Variants in MAGI2 observed in about 807,000 individuals in gnomAD.
The protein encoded by MAGI2 is membrane associated guanylate kinase, WW and PDZ domain containing 2, also known as membrane-associated guanylate kinase, WW and PDZ domain-containing protein 2.
MAGI2 carries 35 observed loss-of-function variants against 133.3 expected under a neutral mutation model. The observed-to-expected ratio is 0.26, with a 90% CI of 0.20 to 0.35. The LOEUF (loss-of-function observed/expected upper bound fraction) is 0.35. MAGI2 is among the 10% of genes least tolerant of loss of function. MAGI2 has a pLI of 1.00. For missense variants in MAGI2, 1,636 were observed against 1,863.4 expected (o/e 0.88, Z 2.25); for synonymous variants, 729 against 710.6 (o/e 1.03, Z -0.41).
intron 2 of MAGI2, among the ~76,000 whole-genome samples, chr7:78,636,614 C>G (rs1809675956): frequency 6.6e-6 from 1 of 151,916 alleles, no homozygotes; most frequent in African/African-American, 2.4e-5. Context: ...CTGGCTAACA[C>G]GGTGAAACCC....
chr7:78,161,704 T>C (rs117136130), intron 15 of MAGI2, among the ~76,000 whole-genome samples: 9,258 of 139,684 alleles, frequency 0.066, 286 homozygotes, highest in East Asian at 0.12. Flanking sequence ...AAAAAAGCTG[T>C]ATTTGTTTAT....
intron 9 of MAGI2, among the ~76,000 whole-genome samples, chr7:78,321,775 C>G (rs1320753658): frequency 6.6e-6 from 1 of 152,138 alleles, no homozygotes; most frequent in Non-Finnish European, 1.5e-5. Context: ...CAAATGGGAT[C>G]TAATTAAACT....
intron 2 of MAGI2, among the ~76,000 whole-genome samples, chr7:78,627,654 G>A (rs1808515038): frequency 6.6e-6 from 1 of 152,118 alleles, no homozygotes; most frequent in Non-Finnish European, 1.5e-5. Flanking sequence ...GGAAAGTAGC[G>A]ATCTTAGGAA....
intron 21 of MAGI2, among the ~76,000 whole-genome samples, chr7:78,031,014 A>G (rs142841006): frequency 2.0e-3 from 306 of 152,352 alleles, no homozygotes; most frequent in African/African-American, 6.9e-3. Flanking sequence ...CTGTGGTACA[A>G]TGGGATAGTT....
intron 17 of MAGI2, among the ~76,000 whole-genome samples, chr7:78,133,495 T>C (rs550633386): frequency 2.0e-5 from 3 of 152,242 alleles, no homozygotes; most frequent in South Asian, 4.1e-4. Flanking sequence ...AAGAAAAATG[T>C]TTTTTACAAT....
At chr7:78,794,050 C>A (rs564699276) in intron 2 of MAGI2, among the ~76,000 whole-genome samples, 2 of 152,316 alleles carry the variant, frequency 1.3e-5, no homozygotes, top group Admixed American at 1.3e-4. Context: ...TCTGAAAAAT[C>A]ACTAAGTACT....
At chr7:79,250,373 C>T (rs1191308244) in intron 1 of MAGI2, among the ~76,000 whole-genome samples, 1 of 135,016 alleles carries the variant, frequency 7.4e-6, no homozygotes, top group African/African-American at 2.7e-5. Context: ...AGAAAACAAA[C>T]AGAACTAAAA....
At chr7:79,396,220 A>G (rs1464166667) in intron 1 of MAGI2, among the ~76,000 whole-genome samples, 8 of 152,070 alleles carry the variant, frequency 5.3e-5, no homozygotes, top group Admixed American at 5.2e-4. Flanking sequence ...TCTCAGCAGC[A>G]AATGTGTGTC....
chr7:78,071,599 C>T (rs569672108), intron 21 of MAGI2, among the ~76,000 whole-genome samples: 1 of 152,262 alleles, frequency 6.6e-6, no homozygotes, highest in East Asian at 1.9e-4. Context: ...TTATTTACTG[C>T]AGTTTTTATG....
At chr7:78,740,026 T>C (rs1822251163) in intron 2 of MAGI2, among the ~76,000 whole-genome samples, 2 of 152,158 alleles carry the variant, frequency 1.3e-5, no homozygotes, top group South Asian at 4.1e-4. Flanking sequence ...CTGGGCGTGG[T>C]GGCGGGCGCC....
chr7:78,278,135 G>A (rs1314641935), intron 9 of MAGI2, among the ~76,000 whole-genome samples: 1 of 152,104 alleles, frequency 6.6e-6, no homozygotes, highest in Non-Finnish European at 1.5e-5. Context: ...CAGCAAAGTA[G>A]GGTAAGAGAT....
At chr7:79,326,234 G>A (rs1839685459) in intron 1 of MAGI2, among the ~76,000 whole-genome samples, 1 of 151,948 alleles carries the variant, frequency 6.6e-6, no homozygotes, top group South Asian at 2.1e-4. Flanking sequence ...AATTATTAAA[G>A]CACGGCTTCT....
At chr7:78,325,714 T>C (rs1216979640) in intron 9 of MAGI2, among the ~76,000 whole-genome samples, 1 of 152,192 alleles carries the variant, frequency 6.6e-6, no homozygotes, top group East Asian at 1.9e-4. Context: ...ACTCTCATCC[T>C]GCCCTGTGAT....
intron 1 of MAGI2, among the ~76,000 whole-genome samples, chr7:79,183,449 A>G (rs1163791312): frequency 6.6e-6 from 1 of 151,920 alleles, no homozygotes; most frequent in Non-Finnish European, 1.5e-5. Context: ...ACCTTTTTAG[A>G]AAATGGGAGT....
chr7:78,137,587 A>G (rs1822288454), intron 16 of MAGI2, among the ~76,000 whole-genome samples: 1 of 152,210 alleles, frequency 6.6e-6, no homozygotes, highest in Non-Finnish European at 1.5e-5. Flanking sequence ...TTTGCTTACT[A>G]CAGGATTATA....
At chr7:78,342,840 T>A (rs1018930033) in intron 9 of MAGI2, among the ~76,000 whole-genome samples, 1 of 152,056 alleles carries the variant, frequency 6.6e-6, no homozygotes, top group Non-Finnish European at 1.5e-5. Context: ...GGATAGCATT[T>A]GGAGAAATAC....
At chr7:78,273,503 T>C (rs1378105937) in intron 9 of MAGI2, among the ~76,000 whole-genome samples, 1 of 152,200 alleles carries the variant, frequency 6.6e-6, no homozygotes, top group Non-Finnish European at 1.5e-5. Flanking sequence ...TTGGGGAAGT[T>C]CTCCTGGATG....
intron 10 of MAGI2, among the ~76,000 whole-genome samples, chr7:78,242,817 C>T (rs1358099725): frequency 6.6e-6 from 1 of 152,060 alleles, no homozygotes; most frequent in African/African-American, 2.4e-5. Flanking sequence ...GTAGCTCATG[C>T]CTGTAATCCC....
At chr7:78,498,817 G>A (rs1393450845) in intron 5 of MAGI2, among the ~76,000 whole-genome samples, 2 of 152,106 alleles carry the variant, frequency 1.3e-5, no homozygotes, top group Non-Finnish European at 2.9e-5. Flanking sequence ...ACCTTAGCAG[G>A]CGTCGTAGAC....
Sources: gnomAD v4.1 joint callset for allele counts (sites outside exome capture counted in the v4.1 genomes callset) on GRCh38, gnomAD v4.1.1 for gene constraint, MANE v1.5 for transcripts, NCBI Gene and HGNC (gene_info 2026-07-23, HGNC 2026-07-21) for gene names.